The following RAB27B variants were observed in gnomAD, a reference collection of about 807,000 sequenced individuals.
The protein encoded by RAB27B is ras-related protein Rab-27B.
In RAB27B, 15 loss-of-function variants were observed where a neutral mutation model predicts 24.6. The observed-to-expected ratio is 0.61, with a 90% CI of 0.41 to 0.94. The LOEUF is 0.94. RAB27B is among the 40% of genes least tolerant of loss of function. The pLI is 0.00. For synonymous variants in RAB27B, 105 were observed against 92.5 expected (o/e 1.14, Z -0.78); for missense variants, 261 against 266.8 (o/e 0.98, Z 0.15).
In RAB27B at chr18:54,884,505, G is replaced by A. The variant is rs1277014312; in HGVS notation, c.343+69G>A. ...ACTGCCTTAGGTGCTTGTTGGTCTT[G>A]CAAGATGAAACCAGATTGGGTACCA... On this transcript the variant is annotated intron_variant, in intron 4 of 5. Coordinates refer to ENST00000262094, the MANE Select transcript of RAB27B (RefSeq NM_004163.4). 8 of 1,042,046 alleles carry A rather than the reference G, an allele frequency of 7.7e-6. No homozygotes were observed. In the Admixed American group the frequency reaches 1.3e-4, roughly 17 times the overall value. 64.5% of individuals were successfully genotyped at this position (1,042,046 alleles called of 1,614,324 possible).
intron 2 of RAB27B, among the ~76,000 whole-genome samples, chr18:54,762,285 G>A (rs1908215269): frequency 6.6e-6 from 1 of 152,152 alleles, no homozygotes; most frequent in Admixed American, 6.5e-5. Context: ...CACCTCCTGA[G>A]TGCAAGCAAT....
At chr18:54,855,592 A>C (rs972978872) in intron 1 of RAB27B, among the ~76,000 whole-genome samples, 2 of 152,184 alleles carry the variant, frequency 1.3e-5, no homozygotes, top group Non-Finnish European at 2.9e-5. Context: ...GACCCGTTCC[A>C]GTACCTCATT....
intron 2 of RAB27B, among the ~76,000 whole-genome samples, chr18:54,790,935 T>C (rs1307600083): frequency 6.6e-6 from 1 of 152,212 alleles, no homozygotes; most frequent in Non-Finnish European, 1.5e-5. Flanking sequence ...GGATAATTTT[T>C]GGCTTTTTCT....
rs1913397816 is a variant in RAB27B, at chr18:54,892,261, T to G, written c.*2848T>G. 4 of 152,092 alleles carry G rather than the reference T, an allele frequency of 2.6e-5. No homozygotes were observed. In the South Asian group the frequency reaches 8.3e-4, roughly 31 times the overall value. The allele number at this position is 152,092 out of a possible 1,614,324, so 9.4% of individuals were successfully genotyped here. ...GGAGTATTTACACTGGTTTGATGTT[T>G]ACATTGCTCTAACTCGGTGCCTCAG... On this transcript the variant is annotated 3_prime_UTR_variant, in exon 6 of 6. Transcript: ENST00000262094.
intron 1 of RAB27B, among the ~76,000 whole-genome samples, chr18:54,850,335 T>G (rs2311123): frequency 3.6e-5 from 1 of 28,124 alleles, no homozygotes; most frequent in African/African-American, 8.5e-5. Context: ...ACAAACAGGA[T>G]ATATATATAT....
chr18:54,752,970 C>CAGGAAAGTCAGGAAAGG (rs1022036017), intron 2 of RAB27B, among the ~76,000 whole-genome samples: 2 of 152,078 alleles, frequency 1.3e-5, no homozygotes, highest in Non-Finnish European at 2.9e-5. Context: ...GGAGGAAAGT[C>CAGGAAAGTCAGGAAAGG]AGGAAAGACA....
chr18:54,808,860 TA>T (rs1435903279), intron 2 of RAB27B, among the ~76,000 whole-genome samples: 6 of 152,168 alleles, frequency 3.9e-5, no homozygotes, highest in Admixed American at 1.3e-4. Context: ...CTAGCTGTGC[TA>T]AAAAATGAGA....
At chr18:54,734,739 G>A (rs1909839319) in intron 2 of RAB27B, among the ~76,000 whole-genome samples, 1 of 152,100 alleles carries the variant, frequency 6.6e-6, no homozygotes, top group Non-Finnish European at 1.5e-5. Flanking sequence ...TCTTGGAATG[G>A]TATTGAACAA....
chr18:54,850,456 C>A (rs1009149608), intron 1 of RAB27B, among the ~76,000 whole-genome samples: 2 of 150,646 alleles, frequency 1.3e-5, no homozygotes, highest in Non-Finnish European at 3.0e-5. Context: ...ACTGCATCCT[C>A]TGCCTCCCAG....
At chr18:54,722,152 T>G (rs1303808516) in intron 2 of RAB27B, among the ~76,000 whole-genome samples, 1 of 152,172 alleles carries the variant, frequency 6.6e-6, no homozygotes, top group Non-Finnish European at 1.5e-5. Flanking sequence ...CTTCAAATAC[T>G]TCATCCAACA....
chr18:54,783,315 A>G (rs1391175538), intron 2 of RAB27B, among the ~76,000 whole-genome samples: 1 of 152,044 alleles, frequency 6.6e-6, no homozygotes, highest in African/African-American at 2.4e-5. Context: ...GATGATGATT[A>G]TCATTATGTC....
chr18:54,766,148 C>G (rs1211215923), intron 2 of RAB27B, among the ~76,000 whole-genome samples: 1 of 152,170 alleles, frequency 6.6e-6, no homozygotes, highest in Non-Finnish European at 1.5e-5. Context: ...CATGGAATAA[C>G]ACATGGCTTT....
intron 1 of RAB27B, among the ~76,000 whole-genome samples, chr18:54,841,741 T>C (rs1911129663): frequency 1.3e-5 from 2 of 152,196 alleles, no homozygotes; most frequent in Admixed American, 1.3e-4. Context: ...AAGTCAAAGA[T>C]ATATGATAGC....
chr18:54,887,876 T>C (rs1243900000), intron 4 of RAB27B, 119 bp from the exon 5 acceptor site: 3 of 1,227,144 alleles, frequency 2.4e-6, no homozygotes, highest in Middle Eastern at 4.9e-4. Context: ...TTGGCCAATA[T>C]AACTAGTAAG....
At chr18:54,848,457 A>T (rs1911426447) in intron 1 of RAB27B, among the ~76,000 whole-genome samples, 1 of 152,188 alleles carries the variant, frequency 6.6e-6, no homozygotes, top group Admixed American at 6.5e-5. Flanking sequence ...CAGGTAAAGA[A>T]CTATTTGGGT....
In RAB27B at chr18:54,889,343, A is replaced by T. The variant is rs769049294; in HGVS notation, c.587A>T (p.Asp196Val). Residue 196 changes from aspartate to valine, a missense_variant, in exon 6 of 6, where the codon GAT (aspartate) becomes GTT (valine). Physicochemically the swap from Asp to Val is radical, Grantham distance 152. Coordinates refer to ENST00000262094, the MANE Select transcript of RAB27B (RefSeq NM_004163.4). Reference sequence around the variant, plus strand: ...TGTGTGGAGAAGACACAAATCCCTGATACTGTCAATGGTGGAAATTCTGGA... The same window carrying T: ...TGTGTGGAGAAGACACAAATCCCTGTTACTGTCAATGGTGGAAATTCTGGA... ...EQCVEKTQIP[D>V]TVNGGNSGNL... is the part of the protein sequence containing the mutation. The T allele has an allele frequency of 5.0e-6, 8 of 1,613,290 alleles. No individual in the cohort carries two copies. In the Admixed American group the frequency reaches 1.3e-4, roughly 27 times the overall value.
chr18:54,753,485 G>A (rs959785740), intron 2 of RAB27B, among the ~76,000 whole-genome samples: 7 of 152,078 alleles, frequency 4.6e-5, no homozygotes, highest in African/African-American at 1.2e-4. Flanking sequence ...TACATCTAAT[G>A]TACCCATCTC....
intron 2 of RAB27B, among the ~76,000 whole-genome samples, chr18:54,749,043 G>T (rs995846785): frequency 6.6e-6 from 1 of 152,166 alleles, no homozygotes; most frequent in Admixed American, 6.5e-5. Context: ...ACTTCTGGGA[G>T]TTGCCCTTAG....
chr18:54,747,908 G>C (rs1465027270), intron 2 of RAB27B, among the ~76,000 whole-genome samples: 1 of 152,066 alleles, frequency 6.6e-6, no homozygotes, highest in Non-Finnish European at 1.5e-5. Flanking sequence ...AGGAGTTCGA[G>C]ACCAGCCTGG....
Sources: gnomAD v4.1 joint callset for allele counts (sites outside exome capture counted in the v4.1 genomes callset) on GRCh38, gnomAD v4.1.1 for gene constraint, MANE v1.5 for transcripts, NCBI Gene and HGNC (gene_info 2026-07-23, HGNC 2026-07-21) for gene names.